Variants in DLGAP3 observed in about 807,000 individuals in gnomAD.
DLGAP3 encodes DLG associated protein 3.
DLGAP3 carries 17 observed loss-of-function variants against 81.2 expected under a neutral mutation model. That is an observed-to-expected ratio of 0.21 (90% CI 0.14 to 0.31). The LOEUF is 0.31. Among genes scored for constraint, DLGAP3 ranks in the 10% least tolerant of loss-of-function variants. The probability of loss-of-function intolerance (pLI) is 1.00; values close to 1 mark genes in which losing one functional copy is unlikely to be tolerated. For missense variants in DLGAP3, 1,124 were observed against 1,388.0 expected (o/e 0.81, Z 3.02); for synonymous variants, 577 against 587.4 (o/e 0.98, Z 0.26).
chr1:34,878,227 A>C (rs2148397551), intron 8 of DLGAP3, among the ~76,000 whole-genome samples: 1 of 152,298 alleles, frequency 6.6e-6, no homozygotes, highest in Admixed American at 6.5e-5. Flanking sequence ...GAATTACTAG[A>C]ACCCAGGAAG....
chr1:34,883,130 T>G (rs939190720), intron 8 of DLGAP3, among the ~76,000 whole-genome samples: 1 of 152,244 alleles, frequency 6.6e-6, no homozygotes, highest in African/African-American at 2.4e-5. Context: ...TATATCATAA[T>G]GTGTTGTCAT....
rs902522402 is a variant in DLGAP3, at chr1:34,865,993, G to A, written c.*90C>T. The A allele has an allele frequency of 1.1e-5, 13 of 1,176,734 alleles. No homozygotes were observed. Among genetic ancestry groups the A allele is most frequent in the African/African-American group, 3.1e-5 (2 of 64,666 alleles). The allele number at this position is 1,176,734 out of a possible 1,614,324, so 72.9% of individuals were successfully genotyped here. A position where few individuals can be genotyped will look rare whatever the true frequency, so the allele number is the denominator to read the frequency against. On this transcript the variant is annotated 3_prime_UTR_variant, in exon 12 of 12. Coordinates refer to ENST00000373347, the MANE Select transcript of DLGAP3 (RefSeq NM_001080418.3). ...CGGTGCCGGTGGGGCGGGCGCACGG[G>A]GCGGCCCGCGTTCACAGTGACCTCG...
chr1:34,873,571 A>G lies in DLGAP3; in HGVS notation c.2001-4482T>C, dbSNP rs1272717343. Among the ~76,000 whole-genome samples the G allele has an allele frequency of 2.0e-5, 3 of 152,218 alleles. No homozygotes were observed. Among genetic ancestry groups the G allele is most frequent in the Non-Finnish European group, 4.4e-5 (3 of 68,040 alleles). On this transcript the variant is annotated intron_variant, in intron 8 of 11. Transcript: ENST00000373347. This position sits in a 1 kb window ranked among gnomAD's most constrained non-coding sequence, Gnocchi z 4.2. The stretch of plus-strand genomic sequence containing the variant: ...GCCCATTGTGTTAGCTATTCTAGAG[A>G]AGTAGAATGGTTTGCAGCTCTCACT...
At position 34,904,644 on chromosome 1, in the gene DLGAP3, C is replaced by A. The variant is rs1240043767; in HGVS notation, c.740G>T (p.Arg247Leu). Residue 247 changes from arginine (R) to leucine (L), a missense_variant, in exon 3 of 12, where the codon CGC becomes CTC. Arg to Leu is a moderately radical substitution (Grantham distance 102, BLOSUM62 -2). This residue lies in a region of DLGAP3 where 357 missense variants were observed against 408.8 expected (regional missense o/e 0.87). Transcript: ENST00000373347. This position sits in a 1 kb window ranked among gnomAD's most constrained non-coding sequence, Gnocchi z 8.1. ...GGCCTGGTGCCGCCCATCCCCCTTG[C>A]GGTCCTTGCTCTTGCTCCTCTTGCC... ...RHGKRSKSKD[R>L]KGDGRHQAKS... is the part of the protein sequence containing the mutation. 2.5e-6 allele frequency: 4 copies of A among 1,614,046 alleles called. No homozygotes were observed. The highest frequency in any genetic ancestry group is 1.3e-5 in the African/African-American group (1 of 74,926).
In DLGAP3 at chr1:34,904,291, A is replaced by G; in HGVS notation, c.1093T>C (p.Tyr365His). 2 of 1,605,372 alleles carry G rather than the reference A, an allele frequency of 1.2e-6. No homozygotes were observed. The highest frequency in any genetic ancestry group is 1.7e-6 in the Non-Finnish European group (2 of 1,179,992). The change falls in exon 3 of 12, where the codon TAT becomes CAT. Residue 365 changes from tyrosine (Y) to histidine (H), a missense_variant. Around this residue, in one of 9 missense-constraint regions of DLGAP3, gnomAD observed 357 missense variants for 408.8 expected, o/e 0.87. Transcript: ENST00000373347. The surrounding 1 kb of genome is among the most constrained non-coding windows in gnomAD (Gnocchi z 8.1). ...AAAAGCCTCACCTGCAGATAGTGAT[A>G]AGTCCTGGCTTTGGCCTTGGTCTCC... is the stretch of plus-strand genomic sequence containing the variant. ...GPETKAKART[Y>H]HYLQVPQDDW...
At chr1:34,892,746 G>C (rs888576561) in intron 5 of DLGAP3, among the ~76,000 whole-genome samples, 4 of 152,126 alleles carry the variant, frequency 2.6e-5, no homozygotes, top group Non-Finnish European at 5.9e-5. Flanking sequence ...CCTAAAGTAG[G>C]TTAAACACTA....
chr1:34,883,271 C>T (rs532959321), intron 8 of DLGAP3, among the ~76,000 whole-genome samples: 1 of 152,320 alleles, frequency 6.6e-6, no homozygotes, highest in African/African-American at 2.4e-5. Flanking sequence ...TCATACAACA[C>T]GTGCTTAGTA....
chr1:34,911,542 C>T (rs181260877), intron 1 of DLGAP3, among the ~76,000 whole-genome samples: 3 of 152,292 alleles, frequency 2.0e-5, no homozygotes, highest in East Asian at 1.9e-4. Context: ...TTGCAGTAGC[C>T]TATGGCTGGC....
chr1:34,896,416 G>A lies in DLGAP3; in HGVS notation c.1386+3253C>T, dbSNP rs557562111. On this transcript the variant is annotated intron_variant, in intron 5 of 11. Transcript: ENST00000373347. ...AGCCTGGCCAACATAGTGAAACCCC[G>A]TCTCTACTACAAATACAAAACAGTT... is the stretch of plus-strand genomic sequence containing the variant. Among the ~76,000 whole-genome samples the A allele has an allele frequency of 9.2e-5, 14 of 152,150 alleles. No homozygotes were observed. In the East Asian group the frequency reaches 1.7e-3, roughly 19 times the overall value.
chr1:34,867,173 C>A lies in DLGAP3; in HGVS notation c.2596G>T (p.Val866Leu), dbSNP rs763645269. The A allele has an allele frequency of 5.0e-6, 8 of 1,614,014 alleles. No individual in the cohort carries two copies. In the South Asian group the frequency reaches 8.8e-5, roughly 18 times the overall value. ...QQSMDPTAFP[V>L]PTFQDLAGFW... ...CCCGCCAGGTCCTGGAAGGTGGGCA[C>A]AGGGAACGCAGTGGGATCCTGCAAC... Residue 866 changes from valine (V) to leucine (L), a missense_variant, in exon 11 of 12, where the codon GTG becomes TTG. Physicochemically the swap from Val to Leu is conservative, Grantham distance 32. Coordinates refer to ENST00000373347, the MANE Select transcript of DLGAP3 (RefSeq NM_001080418.3). The surrounding 1 kb of genome is among the most constrained non-coding windows in gnomAD (Gnocchi z 4.3).
chr1:34,916,508 C>T (rs1639718136), intron 1 of DLGAP3, among the ~76,000 whole-genome samples: 1 of 152,120 alleles, frequency 6.6e-6, no homozygotes, highest in South Asian at 2.1e-4. Flanking sequence ...ATTATTACTC[C>T]CATTTTACAG....
chr1:34,886,981 G>GTC (rs1639243408), intron 5 of DLGAP3, among the ~76,000 whole-genome samples: 1 of 109,204 alleles, frequency 9.2e-6, no homozygotes, highest in Non-Finnish European at 1.7e-5. Flanking sequence ...TTGAGACAGA[G>GTC]TCTCGCTCAG....
intron 8 of DLGAP3, among the ~76,000 whole-genome samples, chr1:34,874,565 C>T (rs1557458361): frequency 6.6e-6 from 1 of 152,196 alleles, no homozygotes; most frequent in Non-Finnish European, 1.5e-5. Context: ...CTGCAGAAGC[C>T]TCCTCCCTTT....
chr1:34,927,759 G>A (rs1357380322), intron 1 of DLGAP3, among the ~76,000 whole-genome samples: 3 of 151,746 alleles, frequency 2.0e-5, no homozygotes, highest in East Asian at 3.9e-4. Context: ...AGCATTCAGG[G>A]AATGCTGCGC....
At chr1:34,886,941 TTC>T in intron 5 of DLGAP3, among the ~76,000 whole-genome samples, 1 of 130,506 alleles carries the variant, frequency 7.7e-6, no homozygotes, top group African/African-American at 2.8e-5. Context: ...TTCCCCCACC[TTC>T]TTTTTTTTTT....
rs1353773770 is a variant in DLGAP3, at chr1:34,867,513, G to A, written c.2577+23C>T. 5.0e-6 allele frequency: 8 copies of A among 1,593,686 alleles called. No individual in the cohort carries two copies. In the Admixed American group the frequency reaches 1.3e-4, roughly 27 times the overall value. On this transcript the variant is annotated intron_variant, in intron 10 of 11. Transcript: ENST00000373347. The surrounding 1 kb of genome is among the most constrained non-coding windows in gnomAD (Gnocchi z 4.3). ...ACTCTGGGTCACATGTATCTGGTAG[G>A]ATCTACTACTATGGGCACTCACCAT...
intron 1 of DLGAP3, among the ~76,000 whole-genome samples, chr1:34,927,154 G>A (rs1455112740): frequency 6.6e-6 from 1 of 152,196 alleles, no homozygotes; most frequent in Non-Finnish European, 1.5e-5. Flanking sequence ...GACATCTGTA[G>A]CGCCCTCTCT....
chr1:34,919,035 CCGCG>C (rs1264184656), intron 1 of DLGAP3, among the ~76,000 whole-genome samples: 1 of 152,170 alleles, frequency 6.6e-6, no homozygotes, highest in Non-Finnish European at 1.5e-5. Context: ...TGCCATGACA[CCGCG>C]GGCAGGTGGG....
intron 5 of DLGAP3, among the ~76,000 whole-genome samples, chr1:34,896,547 C>T (rs1639382836): frequency 6.6e-6 from 1 of 150,930 alleles, no homozygotes; most frequent in Non-Finnish European, 1.5e-5. Flanking sequence ...AGAGATCTAG[C>T]CACTGCACTC....
Sources: gnomAD v4.1 joint callset for allele counts (sites outside exome capture counted in the v4.1 genomes callset) on GRCh38, gnomAD v4.1.1 for gene constraint, gnomAD v4.1.1 regional missense constraint, Gnocchi (gnomAD v3.1) non-coding constraint, MANE v1.5 for transcripts, NCBI Gene and HGNC (gene_info 2026-07-23, HGNC 2026-07-21) for gene names.